The following PRR16 variants were observed in gnomAD, a reference collection of about 807,000 sequenced individuals.
PRR16 encodes the protein proline rich 16.
PRR16 carries 6 observed loss-of-function variants against 18.2 expected under a neutral mutation model. The ratio of observed to expected loss-of-function variants is 0.33; its 90% CI spans 0.18 to 0.65. The LOEUF (loss-of-function observed/expected upper bound fraction) is 0.65, where lower values mean the gene tolerates loss of function less well. Ranked by LOEUF, PRR16 falls within the 30% of genes least tolerant of loss-of-function variation. The pLI is 0.74. For missense variants in PRR16, 412 were observed against 376.6 expected (o/e 1.09, Z -0.78); for synonymous variants, 151 against 147.8 (o/e 1.02, Z -0.16).
the PRR16 span, among the ~76,000 whole-genome samples, chr5:120,709,341 A>AT: frequency 6.6e-6 from 1 of 152,120 alleles, no homozygotes. Context: ...TTACTTTGTT[A>AT]TTTTTTAAAA....
chr5:120,775,611 CCTTTTCTCTTTTT>C, the PRR16 span, among the ~76,000 whole-genome samples: 1 of 150,646 alleles, frequency 6.6e-6, no homozygotes. Flanking sequence ...TACATCTTTT[CCTTTTCTCTTTTT>C]CTTTCTCCTT....
chr5:120,703,666 G>A, the PRR16 span, among the ~76,000 whole-genome samples: 3 of 152,074 alleles, frequency 2.0e-5, no homozygotes, highest in Non-Finnish European at 4.4e-5. Flanking sequence ...TATTTAATGT[G>A]TTGTTCCTTG....
chr5:120,568,116 T>A (rs921695159), intron 1 of PRR16, among the ~76,000 whole-genome samples: 1 of 152,228 alleles, frequency 6.6e-6, no homozygotes, highest in Non-Finnish European at 1.5e-5. Context: ...ATTATTTCTT[T>A]GCATATTAAT....
At chr5:120,508,707 A>C (rs1171634340) in intron 1 of PRR16, among the ~76,000 whole-genome samples, 3 of 152,114 alleles carry the variant, frequency 2.0e-5, no homozygotes, top group African/African-American at 7.2e-5. Context: ...TCATTCTGCA[A>C]ATATTTTACA....
chr5:120,652,121 A>G (rs1755811626), intron 1 of PRR16, among the ~76,000 whole-genome samples: 1 of 152,070 alleles, frequency 6.6e-6, no homozygotes, highest in Non-Finnish European at 1.5e-5. Context: ...TTTTGTGTAG[A>G]CTTCATTTAT....
At chr5:120,632,563 A>G (rs906180694) in intron 1 of PRR16, among the ~76,000 whole-genome samples, 9 of 152,184 alleles carry the variant, frequency 5.9e-5, no homozygotes, top group African/African-American at 2.2e-4. Context: ...TCAAGGACAC[A>G]CTTAGAAAAA....
At chr5:120,749,995 A>G in the PRR16 span, among the ~76,000 whole-genome samples, 2 of 152,198 alleles carry the variant, frequency 1.3e-5, no homozygotes, top group African/African-American at 2.4e-5. Context: ...GAAGATTAGA[A>G]TATGTTTGAA....
chr5:120,492,288 G>A (rs1382901821), intron 1 of PRR16, among the ~76,000 whole-genome samples: 1 of 151,064 alleles, frequency 6.6e-6, no homozygotes. Context: ...GTGTGTGTGT[G>A]TGTGTGTGTG....
intron 1 of PRR16, among the ~76,000 whole-genome samples, chr5:120,562,455 G>T (rs541853542): frequency 6.6e-6 from 1 of 151,952 alleles, no homozygotes; most frequent in Non-Finnish European, 1.5e-5. Flanking sequence ...TTTTATTGGA[G>T]AGTTTAGTCC....
rs146394524 is a variant in PRR16, at chr5:120,552,207, C to T, written c.159+87562C>T. On this transcript the variant is annotated intron_variant, in intron 1 of 1. Coordinates refer to ENST00000407149, the MANE Select transcript of PRR16 (RefSeq NM_001300783.2). ...TTATATTTTTCAAAACCTCCCATGGCTCTTTTTATTGACACGGTTAAAAAG... is the reference window on the plus strand; with the variant it reads ...TTATATTTTTCAAAACCTCCCATGGTTCTTTTTATTGACACGGTTAAAAAG... Among the ~76,000 whole-genome samples the T allele has an allele frequency of 4.1e-3, 624 of 152,008 alleles. 16 individuals carry two copies. The highest frequency in any genetic ancestry group is 0.037 in the Admixed American group (556 of 15,230).
At chr5:120,549,229 G>T (rs1240463869) in intron 1 of PRR16, among the ~76,000 whole-genome samples, 1 of 151,952 alleles carries the variant, frequency 6.6e-6, no homozygotes, top group Non-Finnish European at 1.5e-5. Context: ...CCAAGTAGCT[G>T]GGTGTATGTG....
At chr5:120,556,629 G>A (rs566758692) in intron 1 of PRR16, among the ~76,000 whole-genome samples, 1 of 152,050 alleles carries the variant, frequency 6.6e-6, no homozygotes, top group South Asian at 2.1e-4. Flanking sequence ...CCATTTGCAT[G>A]TAAGAGTGTT....
chr5:120,515,556 C>T (rs1398800976), intron 1 of PRR16, among the ~76,000 whole-genome samples: 1 of 152,074 alleles, frequency 6.6e-6, no homozygotes, highest in African/African-American at 2.4e-5. Flanking sequence ...TCCTTAGAAA[C>T]CACTTGTGTT....
chr5:120,469,964 G>T (rs1749215947), intron 1 of PRR16, among the ~76,000 whole-genome samples: 1 of 152,168 alleles, frequency 6.6e-6, no homozygotes, highest in African/African-American at 2.4e-5. Flanking sequence ...CAACAGTGAA[G>T]TAATAGATAA....
intron 1 of PRR16, among the ~76,000 whole-genome samples, chr5:120,487,356 C>G (rs1749844776): frequency 6.6e-6 from 1 of 152,102 alleles, no homozygotes; most frequent in Non-Finnish European, 1.5e-5. Context: ...TTGAAGAGGT[C>G]CTTCACATCC....
chr5:120,622,698 C>G (rs1377871631), intron 1 of PRR16, among the ~76,000 whole-genome samples: 1 of 151,870 alleles, frequency 6.6e-6, no homozygotes, highest in African/African-American at 2.4e-5. Flanking sequence ...AGGATGGTCT[C>G]GATCTCCTGA....
At chr5:120,552,232 G>T (rs1752276762) in intron 1 of PRR16, among the ~76,000 whole-genome samples, 2 of 151,848 alleles carry the variant, frequency 1.3e-5, no homozygotes, top group Admixed American at 6.6e-5. Flanking sequence ...CGGTTAAAAA[G>T]ACATTGTTGT....
chr5:120,487,264 T>C (rs1749840932), intron 1 of PRR16, among the ~76,000 whole-genome samples: 1 of 152,324 alleles, frequency 6.6e-6, no homozygotes, highest in Admixed American at 6.5e-5. Flanking sequence ...CGATATTGAT[T>C]CTTCCTACCC....
intron 1 of PRR16, among the ~76,000 whole-genome samples, chr5:120,685,277 G>A (rs1273932087): frequency 2.6e-5 from 4 of 152,190 alleles, no homozygotes; most frequent in Non-Finnish European, 4.4e-5. Context: ...GAGGCCATGA[G>A]TGAGTACAGA....
Sources: allele counts gnomAD v4.1 joint callset (sites outside exome capture counted in the v4.1 genomes callset), GRCh38; gene constraint gnomAD v4.1.1; transcripts MANE v1.5; gene names NCBI Gene and HGNC (gene_info 2026-07-23, HGNC 2026-07-21).